The following ALOX5 variants were observed in gnomAD, a reference collection of about 807,000 sequenced individuals.
ALOX5 encodes the protein polyunsaturated fatty acid 5-lipoxygenase.
A neutral mutation model predicts 87.9 loss-of-function variants in ALOX5; 64 were observed. The ratio of observed to expected loss-of-function variants is 0.73; its 90% CI spans 0.60 to 0.90. The LOEUF (loss-of-function observed/expected upper bound fraction) is 0.90. Ranked by LOEUF, ALOX5 falls within the 40% of genes least tolerant of loss-of-function variation. The probability of loss-of-function intolerance (pLI) is 0.00; values close to 1 mark genes in which losing one functional copy is unlikely to be tolerated. For missense variants in ALOX5, 822 were observed against 907.5 expected (o/e 0.91, Z 1.21); for synonymous variants, 388 against 355.1 (o/e 1.09, Z -1.04).
chr10:45,436,925 G>C (rs540148775), intron 7 of ALOX5, among the ~76,000 whole-genome samples: 17 of 152,244 alleles, frequency 1.1e-4, no homozygotes, highest in Non-Finnish European at 2.1e-4. Flanking sequence ...TCTCTGTAGA[G>C]CTCTTTCACC....
intron 1 of ALOX5, among the ~76,000 whole-genome samples, chr10:45,378,224 C>A (rs1211129543): frequency 6.6e-6 from 1 of 152,156 alleles, no homozygotes; most frequent in Non-Finnish European, 1.5e-5. Context: ...TCCACATTGC[C>A]CCTTTACACT....
chr10:45,403,871 C>G (rs1840786031), intron 3 of ALOX5, among the ~76,000 whole-genome samples: 1 of 152,318 alleles, frequency 6.6e-6, no homozygotes, highest in South Asian at 2.1e-4. Context: ...TATGCTTCTT[C>G]CTTGGCTTCC....
At chr10:45,395,341 C>A (rs1840457904) in intron 2 of ALOX5, among the ~76,000 whole-genome samples, 1 of 152,094 alleles carries the variant, frequency 6.6e-6, no homozygotes, top group African/African-American at 2.4e-5. Flanking sequence ...CCCTTCTCAG[C>A]AAACTATCGC....
intron 9 of ALOX5, chr10:45,441,708 A>AC: frequency 4.5e-6 from 2 of 441,756 alleles, no homozygotes; most frequent in South Asian, 4.4e-5. Flanking sequence ...CTGGGTGTAG[A>AC]CCCCCCTCTG....
At chr10:45,437,204 T>C (rs994022698) in intron 7 of ALOX5, among the ~76,000 whole-genome samples, 2 of 152,136 alleles carry the variant, frequency 1.3e-5, no homozygotes, top group Non-Finnish European at 2.9e-5. Context: ...AATACAAAAA[T>C]TAGCCAGGTG....
At position 45,416,863 on chromosome 10, in the gene ALOX5, TG is replaced by T. The variant is rs1332187890; in HGVS notation, c.554+4553del. 4.0e-5 allele frequency among the ~76,000 whole-genome samples: 6 copies of T among 151,486 alleles called. No homozygotes were observed. In the East Asian group the frequency reaches 1.2e-3, roughly 29 times the overall value. On this transcript the variant is annotated intron_variant, in intron 4 of 13. Transcript: ENST00000374391. ...ATAGTGAGATGGATGGATGGATAGA[TG>T]GGTGGATGGATTGATGGGTGGATGG...
At chr10:45,378,689 C>G (rs1025779335) in intron 1 of ALOX5, among the ~76,000 whole-genome samples, 2 of 152,186 alleles carry the variant, frequency 1.3e-5, no homozygotes, top group South Asian at 4.1e-4. Context: ...ATCTGTCATT[C>G]TTCCATTAGT....
At position 45,374,442 on chromosome 10, in the gene ALOX5, G is replaced by A. The variant is rs1322003514; in HGVS notation, c.150+13G>A. On this transcript the variant is annotated intron_variant, in intron 1 of 13. Coordinates refer to ENST00000374391, the MANE Select transcript of ALOX5 (RefSeq NM_000698.5). ...CGAGCGTGGCGCGGTGAGCGCGGGC[G>A]GGGCACGGGTGGAGCGCGGGCTGAG... The A allele has an allele frequency of 1.3e-6, 2 of 1,539,298 alleles. No homozygotes were observed. The highest frequency in any genetic ancestry group is 2.5e-5 in the South Asian group (2 of 81,448).
At position 45,425,574 on chromosome 10, in the gene ALOX5, C is replaced by G. The variant is rs1159676615; in HGVS notation, c.834+442C>G. The stretch of plus-strand genomic sequence containing the variant: ...AAAAGGGGCACGAGGAGAAACCCAA[C>G]AGAATGGTTGATTTTCTCGTTAGAA... On this transcript the variant is annotated intron_variant, in intron 6 of 13. Transcript: ENST00000374391. The surrounding 1 kb of genome is among the most constrained non-coding windows in gnomAD (Gnocchi z 4.4). 1.3e-5 allele frequency among the ~76,000 whole-genome samples: 2 copies of G among 152,192 alleles called. No individual in the cohort carries two copies. Among genetic ancestry groups the G allele is most frequent in the African/African-American group, 4.8e-5 (2 of 41,450 alleles).
At chr10:45,384,407 A>G (rs899830010) in intron 2 of ALOX5, among the ~76,000 whole-genome samples, 2 of 152,180 alleles carry the variant, frequency 1.3e-5, no homozygotes, top group African/African-American at 2.4e-5. Flanking sequence ...TTAAACAGCC[A>G]TTTAATTTTG....
At chr10:45,434,505 C>G (rs1447943258) in intron 7 of ALOX5, among the ~76,000 whole-genome samples, 2 of 152,232 alleles carry the variant, frequency 1.3e-5, no homozygotes, top group Non-Finnish European at 1.5e-5. Flanking sequence ...GAAAGGAATG[C>G]TTTGGTTCCC....
chr10:45,391,782 C>G (rs1389441657), intron 2 of ALOX5, among the ~76,000 whole-genome samples: 1 of 151,910 alleles, frequency 6.6e-6, no homozygotes, highest in Non-Finnish European at 1.5e-5. Flanking sequence ...CTCTGCCCGG[C>G]CGCCCTGTCT....
intron 13 of ALOX5, among the ~76,000 whole-genome samples, 162 bp from the exon 14 acceptor site, chr10:45,445,346 C>T (rs1047985394): frequency 3.9e-5 from 6 of 152,202 alleles, no homozygotes; most frequent in Admixed American, 6.5e-5. Flanking sequence ...CTTGCCTTCC[C>T]GAGGCCCTCT....
rs776167459 is a variant in ALOX5, at chr10:45,424,126, A to G, written c.640A>G (p.Lys214Glu). 2 of 1,613,810 alleles carry G rather than the reference A, an allele frequency of 1.2e-6. No individual in the cohort carries two copies. The highest frequency in any genetic ancestry group is 1.3e-5 in the African/African-American group (1 of 74,912). Residue 214 changes from lysine to glutamate, a missense_variant, in exon 5 of 14, where the codon AAG (lysine) becomes GAG (glutamate). Physicochemically the swap from Lys to Glu is moderately conservative, Grantham distance 56. Coordinates refer to ENST00000374391, the MANE Select transcript of ALOX5 (RefSeq NM_000698.5). ...CGCCGACTTTGAGAAAATCTTTGTC[A>G]AGATCAGCAACACTATTTCTGGTGA... ...DFADFEKIFV[K>E]ISNTISERVM...
intron 2 of ALOX5, among the ~76,000 whole-genome samples, chr10:45,384,555 C>T (rs1022671205): frequency 1.3e-5 from 2 of 152,168 alleles, no homozygotes; most frequent in African/African-American, 4.8e-5. Context: ...CCTCTCTGTC[C>T]ATATGGAGTC....
rs1438581166 is a variant in ALOX5 at position 45,443,824 on chromosome 10, G to A, written c.1670G>A (p.Gly557Asp). Residue 557 changes from glycine (G) to aspartate (D), a missense_variant, in exon 12 of 14, where the codon GGC becomes GAC. Transcript: ENST00000374391. The stretch of plus-strand genomic sequence containing the variant: ...GCCCAGCACGCCGCGGTCAACTTCG[G>A]CCAGGTAGGCAGGGCCGGGCCCGCT... ...ASAQHAAVNFGQYDWCSWIPN... is the reference protein window; with the variant it reads ...ASAQHAAVNFDQYDWCSWIPN... 2 of 1,604,764 alleles carry A rather than the reference G, an allele frequency of 1.2e-6. No individual in the cohort carries two copies. Among genetic ancestry groups the A allele is most frequent in the Admixed American group, 1.7e-5 (1 of 59,344 alleles).
At position 45,374,349 on chromosome 10, in the gene ALOX5, C is replaced by G; in HGVS notation, c.70C>G (p.Leu24Val). 1 of 1,541,126 alleles carries G rather than the reference C, an allele frequency of 6.5e-7. No homozygotes were observed. Among genetic ancestry groups the G allele is most frequent in the Non-Finnish European group, 8.7e-7 (1 of 1,145,694 alleles). Residue 24 changes from leucine to valine, a missense_variant, in exon 1 of 14, where the codon CTC (leucine) becomes GTC (valine). Coordinates refer to ENST00000374391, the MANE Select transcript of ALOX5 (RefSeq NM_000698.5). ...WFAGTDDYIY[L>V]SLVGSAGCSE... ...CGCCGGCACTGACGACTACATCTAC[C>G]TCAGCCTCGTGGGCTCGGCGGGCTG...
At chr10:45,403,739 G>C (rs773302613) in intron 3 of ALOX5, among the ~76,000 whole-genome samples, 1 of 152,214 alleles carries the variant, frequency 6.6e-6, no homozygotes, top group African/African-American at 2.4e-5. Context: ...ATTTGTTTTA[G>C]AGTATTTGTG....
intron 1 of ALOX5, among the ~76,000 whole-genome samples, chr10:45,377,409 C>T (rs903786914): frequency 2.0e-5 from 3 of 151,540 alleles, no homozygotes; most frequent in Admixed American, 6.6e-5. Context: ...TGCTCTCTAC[C>T]CTACAACTCT....
Sources: allele counts gnomAD v4.1 joint callset (sites outside exome capture counted in the v4.1 genomes callset), GRCh38; gene constraint gnomAD v4.1.1; non-coding constraint Gnocchi (gnomAD v3.1); transcripts MANE v1.5; gene names NCBI Gene and HGNC (gene_info 2026-07-23, HGNC 2026-07-21).